The following SNTG1 variants were observed in gnomAD, a reference collection of about 807,000 sequenced individuals.
SNTG1 encodes gamma-1-syntrophin.
A neutral mutation model predicts 74.7 loss-of-function variants in SNTG1; 39 were observed. The observed-to-expected ratio is 0.52, with a 90% CI of 0.40 to 0.68. The LOEUF (loss-of-function observed/expected upper bound fraction) is 0.68. Among genes scored for constraint, SNTG1 ranks in the 30% least tolerant of loss-of-function variants. The pLI, the probability that SNTG1 is intolerant of heterozygous loss-of-function variation, is 0.00. For synonymous variants in SNTG1, 254 were observed against 217.1 expected (o/e 1.17, Z -1.49); for missense variants, 685 against 609.5 (o/e 1.12, Z -1.30).
chr8:50,724,230 T>G (rs766149630), intron 17 of SNTG1, among the ~76,000 whole-genome samples: 1 of 152,156 alleles, frequency 6.6e-6, no homozygotes, highest in African/African-American at 2.4e-5. Flanking sequence ...ATCACAGATA[T>G]AATATAGATA....
chr8:50,598,096 G>T (rs2094744294), intron 13 of SNTG1, among the ~76,000 whole-genome samples: 1 of 150,086 alleles, frequency 6.7e-6, no homozygotes. Flanking sequence ...GTCTATTTTT[G>T]CTATTGTCAC....
chr8:50,727,909 G>T (rs1308814678), intron 17 of SNTG1, among the ~76,000 whole-genome samples: 1 of 152,136 alleles, frequency 6.6e-6, no homozygotes. Context: ...TGTGTTAAGG[G>T]ACAATTATCC....
At chr8:50,486,376 G>C (rs1222752235) in intron 8 of SNTG1, among the ~76,000 whole-genome samples, 1 of 143,904 alleles carries the variant, frequency 6.9e-6, no homozygotes, top group African/African-American at 2.6e-5. Flanking sequence ...TCCCTTCTAA[G>C]TTGGATTCCT....
chr8:50,697,124 A>G (rs576072604), intron 15 of SNTG1, among the ~76,000 whole-genome samples: 1 of 152,024 alleles, frequency 6.6e-6, no homozygotes, highest in African/African-American at 2.4e-5. Context: ...TTCTTTTATC[A>G]GTGTTTTGCA....
At chr8:50,250,787 C>G (rs544294876) in intron 2 of SNTG1, among the ~76,000 whole-genome samples, 2 of 151,992 alleles carry the variant, frequency 1.3e-5, no homozygotes, top group Non-Finnish European at 1.5e-5. Context: ...TAAAGACCTT[C>G]GCAGACAAGC....
chr8:50,674,651 T>C (rs968709117), intron 15 of SNTG1, among the ~76,000 whole-genome samples: 10 of 151,908 alleles, frequency 6.6e-5, no homozygotes, highest in Non-Finnish European at 1.3e-4. Context: ...AGGGATTTTG[T>C]GTCTCTATCT....
chr8:50,785,067 T>G (rs1245730541), intron 18 of SNTG1, among the ~76,000 whole-genome samples: 1 of 151,882 alleles, frequency 6.6e-6, no homozygotes, highest in East Asian at 1.9e-4. Context: ...TAGAGAAAAA[T>G]TTTAACTTCA....
chr8:50,501,424 C>T (rs1185370578), intron 8 of SNTG1, among the ~76,000 whole-genome samples: 18 of 96,920 alleles, frequency 1.9e-4, no homozygotes, highest in African/African-American at 4.1e-5. Flanking sequence ...TGAGCCTGTG[C>T]GTTTTTTTTT....
chr8:50,455,254 C>A (rs1390684246), intron 8 of SNTG1, among the ~76,000 whole-genome samples: 1 of 152,154 alleles, frequency 6.6e-6, no homozygotes, highest in Non-Finnish European at 1.5e-5. Flanking sequence ...TTAGGCAAAG[C>A]AAGATGGATG....
chr8:50,391,720 G>A (rs2092663836), intron 2 of SNTG1, among the ~76,000 whole-genome samples: 2 of 152,050 alleles, frequency 1.3e-5, no homozygotes, highest in African/African-American at 4.8e-5. Flanking sequence ...TTGGTTGGTA[G>A]ACTATTAATT....
chr8:50,558,688 A>G (rs1307451563), intron 12 of SNTG1, among the ~76,000 whole-genome samples: 1 of 152,012 alleles, frequency 6.6e-6, no homozygotes, highest in Non-Finnish European at 1.5e-5. Flanking sequence ...CTTTTAATAG[A>G]AAACAAAATA....
At chr8:50,574,846 A>C (rs907561898) in intron 12 of SNTG1, among the ~76,000 whole-genome samples, 4 of 152,184 alleles carry the variant, frequency 2.6e-5, no homozygotes, top group African/African-American at 9.7e-5. Context: ...GCATAAGAAC[A>C]TGAATTTTTT....
chr8:50,139,692 T>C (rs1425460669), intron 1 of SNTG1, among the ~76,000 whole-genome samples: 1 of 152,230 alleles, frequency 6.6e-6, no homozygotes, highest in Non-Finnish European at 1.5e-5. Context: ...CCTCTACATT[T>C]ATGGGACTCT....
At chr8:49,942,039 A>G (rs1808738877) in intron 1 of SNTG1, among the ~76,000 whole-genome samples, 2 of 152,194 alleles carry the variant, frequency 1.3e-5, no homozygotes, top group Non-Finnish European at 2.9e-5. Flanking sequence ...AGATAAATAT[A>G]GCTCAAAAAG....
intron 2 of SNTG1, among the ~76,000 whole-genome samples, chr8:50,247,546 C>T (rs1036811077): frequency 6.6e-6 from 1 of 152,140 alleles, no homozygotes; most frequent in African/African-American, 2.4e-5. Flanking sequence ...TACTCTGTCA[C>T]CCAGGCTGCA....
intron 1 of SNTG1, among the ~76,000 whole-genome samples, chr8:50,111,474 G>C (rs1405421039): frequency 6.6e-6 from 1 of 152,058 alleles, no homozygotes; most frequent in East Asian, 1.9e-4. Flanking sequence ...AGAAAACCAT[G>C]TGAGGTCACA....
At chr8:50,109,316 A>G (rs533433233) in intron 1 of SNTG1, among the ~76,000 whole-genome samples, 3 of 152,306 alleles carry the variant, frequency 2.0e-5, no homozygotes, top group African/African-American at 7.2e-5. Flanking sequence ...ATTCATGAGA[A>G]TTTTTTAGCA....
chr8:50,183,380 A>G (rs150913844), intron 2 of SNTG1, among the ~76,000 whole-genome samples: 56 of 152,140 alleles, frequency 3.7e-4, no homozygotes, highest in African/African-American at 1.2e-3. Context: ...AAACTGTATG[A>G]TTGCCTGTGA....
chr8:50,484,106 T>TTCTC (rs1393200938), intron 8 of SNTG1, among the ~76,000 whole-genome samples: 4 of 72,376 alleles, frequency 5.5e-5, no homozygotes, highest in African/African-American at 2.4e-4. Flanking sequence ...CTTTCTCTCT[T>TTCTC]TCTTTCTTTC....
Sources: gnomAD v4.1 joint callset for allele counts (sites outside exome capture counted in the v4.1 genomes callset) on GRCh38, gnomAD v4.1.1 for gene constraint, MANE v1.5 for transcripts, NCBI Gene and HGNC (gene_info 2026-07-23, HGNC 2026-07-21) for gene names.